Variants in CENPE observed in about 807,000 individuals in gnomAD.
The protein encoded by CENPE is centromere protein E, also known as centromere-associated protein E.
In CENPE, 145 loss-of-function variants were observed where a neutral mutation model predicts 336.1. That is an observed-to-expected ratio of 0.43 (90% confidence interval 0.38 to 0.50). The LOEUF is 0.50. CENPE is among the 20% of genes least tolerant of loss of function. The probability of loss-of-function intolerance (pLI) is 0.00; values close to 1 mark genes in which losing one functional copy is unlikely to be tolerated. For synonymous variants in CENPE, 1,013 were observed against 984.8 expected (o/e 1.03, Z -0.54); for missense variants, 2,719 against 3,023.3 (o/e 0.90, Z 2.36).
At chr4:103,193,352 T>C (rs561386710) in intron 8 of CENPE, among the ~76,000 whole-genome samples, 1 of 152,204 alleles carries the variant, frequency 6.6e-6, no homozygotes, top group East Asian at 1.9e-4. Flanking sequence ...TATAGCAAAA[T>C]AGCTAAGGTG....
chr4:103,147,983 C>T (rs896680370), intron 28 of CENPE, among the ~76,000 whole-genome samples: 5 of 152,118 alleles, frequency 3.3e-5, no homozygotes, highest in East Asian at 1.9e-4. Context: ...TGTGAGCCAC[C>T]GCATCCCACT....
Position 103,185,799 on chromosome 4 carries a change from G to A in CENPE, c.745+11C>T, listed in dbSNP as rs751250220. 3.8e-6 allele frequency: 6 copies of A among 1,598,774 alleles called. No homozygotes were observed. The Middle Eastern group carries it at 6.7e-4, about 178-fold the overall frequency. ...ACATTAAGACTAACATATTTCATGA[G>A]TTTTAATTACCTGCAGCGCCTGTTT... On this transcript the variant is annotated intron_variant, in intron 9 of 48. Coordinates refer to ENST00000265148, the MANE Select transcript of CENPE (RefSeq NM_001813.3).
rs912777759 is a variant in CENPE, at chr4:103,169,889, C to T, written c.1647+4847G>A. Among the ~76,000 whole-genome samples the T allele has an allele frequency of 1.4e-4, 21 of 152,252 alleles. No homozygotes were observed. In the South Asian group the frequency reaches 2.3e-3, roughly 17 times the overall value. On this transcript the variant is annotated intron_variant, in intron 16 of 48. Coordinates refer to ENST00000265148, the MANE Select transcript of CENPE (RefSeq NM_001813.3). ...CAAAGACTTGGAACCAACCCAAATG[C>T]CCCTCAATGATAGACTGGATAAAGG...
rs9761219 is a variant in CENPE, at chr4:103,112,839, T to C, written c.7540+1616A>G. 3.6e-3 allele frequency among the ~76,000 whole-genome samples: 102 copies of C among 28,614 alleles called. 5 individuals are homozygous for C. The highest frequency in any genetic ancestry group is 4.0e-3 in the Admixed American group (9 of 2,224). The allele number at this position is 28,614 out of a possible 152,430, so 18.8% of individuals were successfully genotyped here. On this transcript the variant is annotated intron_variant, in intron 46 of 48. Coordinates refer to ENST00000265148, the MANE Select transcript of CENPE (RefSeq NM_001813.3). Reference sequence around the variant, plus strand: ...ATATATACTTATAAGTATATAAGTGTATATATATACTTATAAGTATATAAG... The same window carrying C: ...ATATATACTTATAAGTATATAAGTGCATATATATACTTATAAGTATATAAG...
Position 103,145,666 on chromosome 4 carries a change from C to G in CENPE, c.4429G>C (p.Glu1477Gln), listed in dbSNP as rs747006489. Reference protein sequence around the residue: ...EIVAKHLETEEELKVAHCCLK... With the variant: ...EIVAKHLETEQELKVAHCCLK... ...CAACAATGAGCAACTTTAAGTTCCT[C>G]TTCAGTTTCCAGGTGCTTTATTATT... The change falls in exon 31 of 49, where the codon GAG becomes CAG. Residue 1477 changes from glutamate to glutamine, a missense_variant. Transcript: ENST00000265148. 1.6e-5 allele frequency: 25 copies of G among 1,594,298 alleles called. No individual in the cohort carries two copies. Among genetic ancestry groups the G allele is most frequent in the Non-Finnish European group, 2.1e-5 (25 of 1,174,574 alleles).
At chr4:103,197,666 T>G (rs1757842921) in intron 1 of CENPE, among the ~76,000 whole-genome samples, 1 of 152,200 alleles carries the variant, frequency 6.6e-6, no homozygotes, top group African/African-American at 2.4e-5. Flanking sequence ...TCTTCCTGCT[T>G]TTTCTCCCTA....
At chr4:103,157,059 C>CA (rs34199706) in intron 24 of CENPE, among the ~76,000 whole-genome samples, 3,730 of 97,790 alleles carry the variant, frequency 0.038, 70 homozygotes, top group African/African-American at 0.045. Context: ...TGGCTACTAT[C>CA]AAAAAAAAAA....
intron 43 of CENPE, 107 bp from the exon 44 acceptor site, chr4:103,120,440 A>AT (rs1343201145): frequency 2.5e-5 from 23 of 911,410 alleles, no homozygotes; most frequent in Non-Finnish European, 3.4e-5. Context: ...TTTTTCACAG[A>AT]TTGTATTAAC....
At chr4:103,110,768 G>A (rs1386531849) in intron 47 of CENPE, 60 bp downstream of exon 47, 1 of 1,325,494 alleles carries the variant, frequency 7.5e-7, no homozygotes. Context: ...CATATACCAT[G>A]TCCCTACATA....
chr4:103,121,862 C>A (rs1297299429), intron 43 of CENPE, among the ~76,000 whole-genome samples: 3 of 152,016 alleles, frequency 2.0e-5, no homozygotes, highest in African/African-American at 7.2e-5. Context: ...GCCAAGTAAA[C>A]CATTTTTTTT....
rs760860508 is a variant in CENPE, at chr4:103,108,944, A to G, written c.7870T>C (p.Ser2624Pro). The change falls in exon 48 of 49, where the codon TCT becomes CCT. Residue 2624 changes from serine to proline, a missense_variant. Physicochemically the swap from Ser to Pro is moderately conservative, Grantham distance 74 (BLOSUM62 -1). Transcript: ENST00000265148. ...TGTAAATTCCGTTCCTTGCATTGAGAGGGTGTAATTTGTTTCTTTTTAGAA... is the reference window on the plus strand; with the variant it reads ...TGTAAATTCCGTTCCTTGCATTGAGGGGGTGTAATTTGTTTCTTTTTAGAA... The part of the protein sequence containing the change: ...TASKKKQITP[S>P]QCKERNLQDP... 5.0e-6 allele frequency: 8 copies of G among 1,613,802 alleles called. No homozygotes were observed. Among genetic ancestry groups the G allele is most frequent in the Non-Finnish European group, 6.8e-6 (8 of 1,179,842 alleles).
rs1753301166 is a variant in CENPE at position 103,148,951 on chromosome 4, CTTT to C, written c.3733_3735del (p.Lys1245del). ...AGTTCATCAATAGTTTCTTGGTGTT[CTTT>C]TAGGTGAATATGAGCAATTTTTAGT... On this transcript the variant is annotated inframe_deletion, in exon 28 of 49. Coordinates refer to ENST00000265148, the MANE Select transcript of CENPE (RefSeq NM_001813.3). The C allele has an allele frequency of 1.9e-6, 3 of 1,613,772 alleles. No individual in the cohort carries two copies. Among genetic ancestry groups the C allele is most frequent in the Middle Eastern group, 3.3e-4 (2 of 6,056 alleles).
chr4:103,149,048 TC>T, intron 27 of CENPE, 49 bp from the exon 28 acceptor site: 1 of 1,591,858 alleles, frequency 6.3e-7, no homozygotes, highest in Non-Finnish European at 8.5e-7. Flanking sequence ...CCAACATTGC[TC>T]CCCTCTTTCC....
At chr4:103,125,310 A>G (rs1370893262) in intron 42 of CENPE, among the ~76,000 whole-genome samples, 1 of 152,250 alleles carries the variant, frequency 6.6e-6, no homozygotes, top group Admixed American at 6.5e-5. Flanking sequence ...CCAATTTAAT[A>G]TAAATAAGCA....
chr4:103,121,634 G>A (rs976610353), intron 43 of CENPE, among the ~76,000 whole-genome samples: 1 of 147,936 alleles, frequency 6.8e-6, no homozygotes, highest in Non-Finnish European at 1.5e-5. Flanking sequence ...CTGCAGTATC[G>A]ATCTCCCAGG....
intron 16 of CENPE, 56 bp from the exon 17 acceptor site, chr4:103,163,609 A>T (rs1754649663): frequency 3.2e-5 from 2 of 62,850 alleles, no homozygotes; most frequent in Admixed American, 1.9e-4. Context: ...AAAGCAAAGC[A>T]AAAAAAAAAA....
At chr4:103,136,036 G>A in intron 40 of CENPE, 105 bp downstream of exon 40, 1 of 917,406 alleles carries the variant, frequency 1.1e-6, no homozygotes, top group Non-Finnish European at 1.7e-6. Flanking sequence ...TAATTTGGTA[G>A]TAAGAATACT....
Position 103,177,174 on chromosome 4 carries a change from T to A in CENPE, c.1243-128A>T, listed in dbSNP as rs1425028943. On this transcript the variant is annotated intron_variant, in intron 13 of 48. Coordinates refer to ENST00000265148, the MANE Select transcript of CENPE (RefSeq NM_001813.3). ...TTCTTATTAAGCCTAGTTTAAAATTTTATTAGTCTAAGGATATTGCTTAAA... is the reference window on the plus strand; with the variant it reads ...TTCTTATTAAGCCTAGTTTAAAATTATATTAGTCTAAGGATATTGCTTAAA... The A allele has an allele frequency of 5.5e-6, 4 of 724,852 alleles. No homozygotes were observed. The South Asian group carries it at 8.2e-5, about 15-fold the overall frequency. 44.9% of individuals were successfully genotyped at this position (724,852 alleles called of 1,614,324 possible). A position where few individuals can be genotyped will look rare whatever the true frequency, so the allele number is the denominator to read the frequency against.
At chr4:103,114,811 GGA>G (rs1749935942) in intron 45 of CENPE, among the ~76,000 whole-genome samples, 1 of 152,168 alleles carries the variant, frequency 6.6e-6, no homozygotes, top group Non-Finnish European at 1.5e-5. Flanking sequence ...TAAAGCTTCT[GGA>G]GGCCTAATTC....
Sources: allele counts gnomAD v4.1 joint callset (sites outside exome capture counted in the v4.1 genomes callset), GRCh38; gene constraint gnomAD v4.1.1; transcripts MANE v1.5; gene names NCBI Gene and HGNC (gene_info 2026-07-23, HGNC 2026-07-21).